C19orf12: variants seen among roughly 807,000 people sequenced by gnomAD.
The protein encoded by C19orf12 is chromosome 19 open reading frame 12, also known as protein C19orf12.
Under a neutral mutation model 3.8 loss-of-function variants are expected in C19orf12, and 2 were observed. The observed-to-expected ratio is 0.53, with a 90% CI of 0.22 to 1.66. The LOEUF is 1.66. C19orf12 is among the 40% of genes most tolerant of loss of function. The probability of loss-of-function intolerance (pLI) is 0.20; values close to 1 mark genes in which losing one functional copy is unlikely to be tolerated. For synonymous variants in C19orf12, 89 were observed against 84.6 expected (o/e 1.05, Z -0.28); for missense variants, 156 against 188.8 (o/e 0.83, Z 1.02).
chr19:29,701,790 C>T lies in C19orf12; in HGVS notation c.*922G>A. 1 of 451,088 alleles carries T rather than the reference C, an allele frequency of 2.2e-6. No individual in the cohort carries two copies. Among genetic ancestry groups the T allele is most frequent in the Non-Finnish European group, 4.5e-6 (1 of 224,532 alleles). The allele number at this position is 451,088 out of a possible 1,614,324, so 27.9% of individuals were successfully genotyped here. A position where few individuals can be genotyped will look rare whatever the true frequency, so the allele number is the denominator to read the frequency against. ...ATGTGCTCACTTTGCGTTTCTGTGT[C>T]AGCATTTTGAACAGTAAATATTTTT... On this transcript the variant is annotated 3_prime_UTR_variant, in exon 3 of 3. Coordinates refer to ENST00000323670, the MANE Select transcript of C19orf12 (RefSeq NM_031448.6).
At chr19:29,709,525 T>C (rs781771082) in intron 1 of C19orf12, among the ~76,000 whole-genome samples, 8 of 133,252 alleles carry the variant, frequency 6.0e-5, no homozygotes, top group Non-Finnish European at 1.2e-4. Flanking sequence ...CTATTGCTTA[T>C]TATCTTTTTT....
At chr19:29,708,853 C>T (rs1972518112) in intron 1 of C19orf12, among the ~76,000 whole-genome samples, 1 of 152,198 alleles carries the variant, frequency 6.6e-6, no homozygotes, top group African/African-American at 2.4e-5. Context: ...GAGGCCAAGC[C>T]AGAGCCAGGG....
chr19:29,707,430 G>A (rs1366962548), intron 2 of C19orf12, among the ~76,000 whole-genome samples: 1 of 152,198 alleles, frequency 6.6e-6, no homozygotes. Context: ...TTCTTTTGGT[G>A]GTCTCTTTCA....
chr19:29,713,757 A>T (rs1011551743), intron 1 of C19orf12, among the ~76,000 whole-genome samples: 1 of 152,102 alleles, frequency 6.6e-6, no homozygotes, highest in Non-Finnish European at 1.5e-5. Flanking sequence ...AGAAGACCAG[A>T]TCACATTGGA....
At position 29,701,265 on chromosome 19, in the gene C19orf12, G is replaced by T. The variant is rs1439039667; in HGVS notation, c.*1447C>A. 2 of 453,998 alleles carry T rather than the reference G, an allele frequency of 4.4e-6. No homozygotes were observed. Among genetic ancestry groups the T allele is most frequent in the African/African-American group, 4.0e-5 (2 of 50,020 alleles). The allele number at this position is 453,998 out of a possible 1,614,324, so 28.1% of individuals were successfully genotyped here. A position where few individuals can be genotyped will look rare whatever the true frequency, so the allele number is the denominator to read the frequency against. ...CTATGCCTCAGTATCCATGGGGGAT[G>T]GGTTCCAGGACTGCAACCTCAACCC... On this transcript the variant is annotated 3_prime_UTR_variant, in exon 3 of 3. Transcript: ENST00000323670.
At chr19:29,708,549 C>A (rs552611575) in intron 1 of C19orf12, 126 bp from the exon 2 acceptor site, 15 of 1,227,018 alleles carry the variant, frequency 1.2e-5, no homozygotes, top group Admixed American at 3.7e-5. Flanking sequence ...CAGCTCCAAG[C>A]GCCTGTATGA....
At chr19:29,709,109 T>G (rs1200140185) in intron 1 of C19orf12, among the ~76,000 whole-genome samples, 1 of 152,046 alleles carries the variant, frequency 6.6e-6, no homozygotes, top group Non-Finnish European at 1.5e-5. Context: ...TTCTTAAAAG[T>G]CAACACAGTT....
Position 29,699,439 on chromosome 19 carries a change from C to T in C19orf12, c.*3273G>A, listed in dbSNP as rs1971957120. On this transcript the variant is annotated 3_prime_UTR_variant, in exon 3 of 3. Transcript: ENST00000323670. ...CAGAGCTTGCAGTGAACCAAGATCG[C>T]GCTACTGCACTCCAGCCCGGGCGAC... The T allele has an allele frequency of 7.4e-6, 3 of 404,920 alleles. No individual in the cohort carries two copies. Among genetic ancestry groups the T allele is most frequent in the Non-Finnish European group, 1.4e-5 (3 of 210,982 alleles). The allele number at this position is 404,920 out of a possible 1,614,324, so 25.1% of individuals were successfully genotyped here.
At chr19:29,709,614 T>C (rs7247955) in intron 1 of C19orf12, among the ~76,000 whole-genome samples, 100,906 of 150,408 alleles carry the variant, frequency 0.67, 35,964 homozygotes, top group African/African-American at 0.91. Context: ...ACTGCAGCCT[T>C]GACCTCCTGG....
intron 1 of C19orf12, among the ~76,000 whole-genome samples, chr19:29,712,330 C>T (rs1972722239): frequency 6.6e-6 from 1 of 151,884 alleles, no homozygotes; most frequent in South Asian, 2.1e-4. Flanking sequence ...CACTTGAACC[C>T]GGGAGGTGGA....
At chr19:29,711,103 G>A (rs1051381516) in intron 1 of C19orf12, among the ~76,000 whole-genome samples, 5 of 142,976 alleles carry the variant, frequency 3.5e-5, no homozygotes, top group Admixed American at 2.1e-4. Flanking sequence ...GTAGCGGCGC[G>A]ATCTCGGCTC....
rs60814860 is a variant in C19orf12 at position 29,699,482 on chromosome 19, CAAAA to C, written c.*3226_*3229del. On this transcript the variant is annotated 3_prime_UTR_variant, in exon 3 of 3. Transcript: ENST00000323670. Reference sequence around the variant, plus strand: ...CGGGCGACAGTGCGAGACTCCATCTCAAAAAAAAAAAAAAGAAAAAAAGAAAAAA... The same window carrying C: ...CGGGCGACAGTGCGAGACTCCATCTCAAAAAAAAAAGAAAAAAAGAAAAAA... The C allele has an allele frequency of 9.5e-3, 3,437 of 360,164 alleles. No homozygotes were observed. The highest frequency in any genetic ancestry group is 0.014 in the Middle Eastern group (14 of 1,018). 22.3% of individuals were successfully genotyped at this position (360,164 alleles called of 1,614,324 possible).
intron 1 of C19orf12, among the ~76,000 whole-genome samples, chr19:29,712,044 G>A (rs1346726189): frequency 2.0e-5 from 3 of 152,148 alleles, no homozygotes; most frequent in Non-Finnish European, 4.4e-5. Flanking sequence ...CACAGAAAGC[G>A]GGTCCCCTGT....
At position 29,700,496 on chromosome 19, in the gene C19orf12, C is replaced by G; in HGVS notation, c.*2216G>C. Reference sequence around the variant, plus strand: ...ATGCTCTGATTTTCCATTTTTAGTTCCAGGGTCCGTATGCAGGACTTATTT... The same window carrying G: ...ATGCTCTGATTTTCCATTTTTAGTTGCAGGGTCCGTATGCAGGACTTATTT... On this transcript the variant is annotated 3_prime_UTR_variant, in exon 3 of 3. Transcript: ENST00000323670. The G allele has an allele frequency of 2.2e-6, 1 of 454,092 alleles. No individual in the cohort carries two copies. The highest frequency in any genetic ancestry group is 4.4e-6 in the Non-Finnish European group (1 of 226,790). 28.1% of individuals were successfully genotyped at this position (454,092 alleles called of 1,614,324 possible). A position where few individuals can be genotyped will look rare whatever the true frequency, so the allele number is the denominator to read the frequency against.
At position 29,701,654 on chromosome 19, in the gene C19orf12, C is replaced by T. The variant is rs1972090944; in HGVS notation, c.*1058G>A. The T allele has an allele frequency of 2.2e-6, 1 of 453,956 alleles. No individual in the cohort carries two copies. Among genetic ancestry groups the T allele is most frequent in the African/African-American group, 2.0e-5 (1 of 50,078 alleles). The allele number at this position is 453,956 out of a possible 1,614,324, so 28.1% of individuals were successfully genotyped here. On this transcript the variant is annotated 3_prime_UTR_variant, in exon 3 of 3. Transcript: ENST00000323670. ...TCACACCACTTCAGAAAGAGCAATA[C>T]AGGCATACCTCATTCTACTATGCTT...
chr19:29,715,691 AT>A (rs1432665933), upstream of C19orf12: 1 of 159,856 alleles, frequency 6.3e-6, no homozygotes, highest in Non-Finnish European at 1.4e-5. Context: ...CTGCGTCAGT[AT>A]TTGGTGAATG....
intron 2 of C19orf12, among the ~76,000 whole-genome samples, 165 bp downstream of exon 2, chr19:29,708,089 G>C (rs1264004382): frequency 6.6e-6 from 1 of 152,062 alleles, no homozygotes; most frequent in East Asian, 1.9e-4. Flanking sequence ...ATGTTGGCCA[G>C]GCTAGTCTCA....
rs768063881 is a variant in C19orf12 at position 29,702,961 on chromosome 19, C to T, written c.177G>A (p.Gly59=). The change falls in exon 3 of 3, where the codon GGG becomes GGA. Residue 59 remains glycine (G), a synonymous_variant. Transcript: ENST00000323670. ...PGLAVGGAVG[G]LLGAWMTSGQ... is the part of the protein sequence containing the mutation. ...CACTTGTCATCCAGGCACCTAACAG[C>T]CCCCCGACAGCCCCCCCTAGAAAAC... 79 of 1,607,402 alleles carry T rather than the reference C, an allele frequency of 4.9e-5. No individual in the cohort carries two copies. The highest frequency in any genetic ancestry group is 1.1e-4 in the South Asian group (10 of 90,942).
intron 2 of C19orf12, among the ~76,000 whole-genome samples, chr19:29,706,576 A>T (rs1042560956): frequency 1.3e-5 from 2 of 152,200 alleles, no homozygotes; most frequent in African/African-American, 4.8e-5. Context: ...GAGCACTGAG[A>T]TGGAGGTGGG....
Sources: allele counts gnomAD v4.1 joint callset (sites outside exome capture counted in the v4.1 genomes callset), GRCh38; gene constraint gnomAD v4.1.1; transcripts MANE v1.5; gene names NCBI Gene and HGNC (gene_info 2026-07-23, HGNC 2026-07-21).